Variants in STXBP5L observed in about 807,000 individuals in gnomAD.
STXBP5L encodes the protein syntaxin binding protein 5L.
Under a neutral mutation model 144.5 loss-of-function variants are expected in STXBP5L, and 65 were observed. The ratio of observed to expected loss-of-function variants is 0.45; its 90% confidence interval spans 0.37 to 0.55. The LOEUF (loss-of-function observed/expected upper bound fraction) is 0.55, where lower values mean the gene tolerates loss of function less well. Among genes scored for constraint, STXBP5L ranks in the 20% least tolerant of loss-of-function variants. STXBP5L has a pLI of 0.00. For missense variants in STXBP5L, 1,298 were observed against 1,405.5 expected (o/e 0.92, Z 1.22); for synonymous variants, 505 against 469.6 (o/e 1.08, Z -0.97).
chr3:121,041,982 C>G (rs536392419), intron 4 of STXBP5L, among the ~76,000 whole-genome samples: 3 of 151,938 alleles, frequency 2.0e-5, no homozygotes, highest in Non-Finnish European at 4.4e-5. Flanking sequence ...ATTGTATATG[C>G]CATATTCTGT....
At chr3:121,092,549 C>T (rs1349975559) in intron 5 of STXBP5L, among the ~76,000 whole-genome samples, 2 of 152,262 alleles carry the variant, frequency 1.3e-5, no homozygotes, top group East Asian at 3.9e-4. Context: ...AATGGGAGTT[C>T]ATTCATGATT....
intron 20 of STXBP5L, among the ~76,000 whole-genome samples, chr3:121,347,503 T>G (rs1312470629): frequency 6.6e-6 from 1 of 152,200 alleles, no homozygotes; most frequent in African/African-American, 2.4e-5. Flanking sequence ...GAAAGTCATT[T>G]GGTAACTTGA....
intron 5 of STXBP5L, among the ~76,000 whole-genome samples, chr3:121,094,906 G>C (rs1323221042): frequency 6.6e-6 from 1 of 152,068 alleles, no homozygotes; most frequent in African/African-American, 2.4e-5. Context: ...TGCAGCGGCT[G>C]GTACTGGTTG....
chr3:121,273,662 A>G (rs1476187298), intron 18 of STXBP5L, among the ~76,000 whole-genome samples: 6 of 152,034 alleles, frequency 3.9e-5, no homozygotes, highest in Admixed American at 6.6e-5. Context: ...ATAGTGTTCA[A>G]TAAGGGTTTC....
At chr3:121,077,440 T>A (rs1158183737) in intron 5 of STXBP5L, among the ~76,000 whole-genome samples, 1 of 152,148 alleles carries the variant, frequency 6.6e-6, no homozygotes, top group African/African-American at 2.4e-5. Context: ...GGATTCGTGG[T>A]CTCGCTGGCT....
At chr3:121,395,852 G>A (rs949705016) in intron 22 of STXBP5L, among the ~76,000 whole-genome samples, 5 of 152,194 alleles carry the variant, frequency 3.3e-5, no homozygotes, top group African/African-American at 1.2e-4. Context: ...TTCGACAGGT[G>A]TTGCTTGTGA....
chr3:121,362,848 C>T (rs952499319), intron 20 of STXBP5L, among the ~76,000 whole-genome samples: 1 of 152,106 alleles, frequency 6.6e-6, no homozygotes, highest in African/African-American at 2.4e-5. Context: ...CTGAGTCTCA[C>T]CTGAAACTGG....
chr3:121,217,640 C>T (rs2048825938), intron 10 of STXBP5L, among the ~76,000 whole-genome samples: 1 of 152,114 alleles, frequency 6.6e-6, no homozygotes, highest in Non-Finnish European at 1.5e-5. Context: ...ATCTTGCTAG[C>T]CCAGATTCCG....
At chr3:121,137,646 A>T (rs1437120701) in intron 7 of STXBP5L, among the ~76,000 whole-genome samples, 2 of 152,190 alleles carry the variant, frequency 1.3e-5, no homozygotes, top group African/African-American at 4.8e-5. Flanking sequence ...CAACAAACAT[A>T]ATACATCATA....
chr3:121,347,254 G>C (rs575239992), intron 20 of STXBP5L, among the ~76,000 whole-genome samples: 72 of 152,288 alleles, frequency 4.7e-4, no homozygotes, highest in Middle Eastern at 3.4e-3. Context: ...TCAAAGATCA[G>C]ATAGTTGTAG....
At chr3:121,264,909 G>T (rs2050509783) in intron 18 of STXBP5L, among the ~76,000 whole-genome samples, 1 of 151,744 alleles carries the variant, frequency 6.6e-6, no homozygotes, top group African/African-American at 2.4e-5. Flanking sequence ...ATAGTAAAGG[G>T]ATCAATGTAG....
chr3:121,003,274 T>C (rs1576627726), intron 3 of STXBP5L, among the ~76,000 whole-genome samples: 1 of 151,962 alleles, frequency 6.6e-6, no homozygotes, highest in African/African-American at 2.4e-5. Context: ...GGTATCTCAT[T>C]GTGGTTTTGA....
intron 24 of STXBP5L, 99 bp from the exon 25 acceptor site, chr3:121,415,758 T>C (rs1055364180): frequency 9.1e-6 from 6 of 662,946 alleles, no homozygotes; most frequent in East Asian, 3.1e-5. Flanking sequence ...AAGCAGACTG[T>C]TTTTTCATGA....
At chr3:121,318,428 C>T (rs1407502320) in intron 19 of STXBP5L, 47 bp from the exon 20 acceptor site, 6 of 1,463,830 alleles carry the variant, frequency 4.1e-6, no homozygotes, top group Non-Finnish European at 4.6e-6. Context: ...GAATAACCTA[C>T]AAAATGCTAG....
At chr3:120,975,778 C>T (rs938063280) in intron 3 of STXBP5L, among the ~76,000 whole-genome samples, 51 of 152,122 alleles carry the variant, frequency 3.4e-4, no homozygotes, top group Admixed American at 1.1e-3. Context: ...TGTCAAAGGC[C>T]TTTTCTGCAT....
At chr3:121,313,336 G>T (rs1456763646) in intron 19 of STXBP5L, among the ~76,000 whole-genome samples, 1 of 138,484 alleles carries the variant, frequency 7.2e-6, no homozygotes, top group Non-Finnish European at 1.6e-5. Context: ...GGCTGGCCGG[G>T]CGGGGGGCTG....
intron 19 of STXBP5L, among the ~76,000 whole-genome samples, chr3:121,313,080 G>C (rs1288684597): frequency 6.8e-6 from 1 of 147,818 alleles, no homozygotes; most frequent in Non-Finnish European, 1.5e-5. Context: ...GCGGCTGGCC[G>C]GGCGGGGGGC....
intron 5 of STXBP5L, among the ~76,000 whole-genome samples, chr3:121,070,123 G>T (rs73189311): frequency 2.6e-5 from 4 of 152,190 alleles, no homozygotes; most frequent in African/African-American, 9.7e-5. Context: ...GTGATCACCG[G>T]CTCAGCCGGA....
At chr3:121,360,220 TC>T (rs2045669551) in intron 20 of STXBP5L, among the ~76,000 whole-genome samples, 1 of 151,362 alleles carries the variant, frequency 6.6e-6, no homozygotes, top group South Asian at 2.1e-4. Flanking sequence ...ATATAGTGAC[TC>T]CTCCTTTTTT....
Sources: allele counts gnomAD v4.1 joint callset (sites outside exome capture counted in the v4.1 genomes callset), GRCh38; gene constraint gnomAD v4.1.1; transcripts MANE v1.5; gene names NCBI Gene and HGNC (gene_info 2026-07-23, HGNC 2026-07-21).